Variants in CELF4 observed in about 807,000 individuals in gnomAD.
The protein encoded by CELF4 is CUG-BP- and ETR-3-like factor 4.
In CELF4, 18 loss-of-function variants were observed where a neutral mutation model predicts 59.9. The ratio of observed to expected loss-of-function variants is 0.30; its 90% CI spans 0.21 to 0.45. CELF4 has a LOEUF of 0.45. CELF4 is among the 20% of genes least tolerant of loss of function. The pLI is 1.00. For missense variants in CELF4, 456 were observed against 689.0 expected (o/e 0.66, Z 3.79); for synonymous variants, 261 against 267.1 (o/e 0.98, Z 0.22).
intron 2 of CELF4, among the ~76,000 whole-genome samples, chr18:37,383,654 C>CA (rs1282700553): frequency 1.3e-5 from 2 of 152,164 alleles, no homozygotes; most frequent in Non-Finnish European, 2.9e-5. Context: ...CTTTCTTTTC[C>CA]AAGCACGTCC....
intron 2 of CELF4, among the ~76,000 whole-genome samples, chr18:37,365,481 A>AT (rs10670336): frequency 0.21 from 19,931 of 97,032 alleles, 2,593 homozygotes; most frequent in East Asian, 0.33. Flanking sequence ...GGATGGGGCA[A>AT]TTTTTTTTTT....
At chr18:37,430,328 A>C (rs59289891) in intron 2 of CELF4, among the ~76,000 whole-genome samples, 1 of 152,228 alleles carries the variant, frequency 6.6e-6, no homozygotes, top group Non-Finnish European at 1.5e-5. Flanking sequence ...AAGACTGATT[A>C]AATAGCAACA....
intron 9 of CELF4, 137 bp downstream of exon 9, chr18:37,266,396 G>T: frequency 1.1e-6 from 1 of 927,676 alleles, no homozygotes. Flanking sequence ...GTCTCTGCCA[G>T]CACAGCCCTC....
intron 1 of CELF4, among the ~76,000 whole-genome samples, chr18:37,501,714 G>T (rs1603642812): frequency 6.6e-6 from 1 of 152,230 alleles, no homozygotes; most frequent in Non-Finnish European, 1.5e-5. Context: ...CTCAGTGGAG[G>T]TAGGTAGGAA....
intron 2 of CELF4, among the ~76,000 whole-genome samples, chr18:37,360,630 T>C (rs2098688388): frequency 6.6e-6 from 1 of 152,218 alleles, no homozygotes; most frequent in South Asian, 2.1e-4. Flanking sequence ...AGAGCCTGTC[T>C]GGAGGCAGGC....
rs62081461 is a variant in CELF4 at position 37,551,284 on chromosome 18, C to T, written c.286+14072G>A. 8.5e-3 allele frequency among the ~76,000 whole-genome samples: 1,294 copies of T among 152,288 alleles called. 12 individuals carry two copies. Among genetic ancestry groups the T allele is most frequent in the Non-Finnish European group, 0.012 (837 of 68,012 alleles). On this transcript the variant is annotated intron_variant, in intron 1 of 12. Coordinates refer to ENST00000420428, the MANE Select transcript of CELF4 (RefSeq NM_020180.4). ...TCCATAAGAGAGGAATCTCCCTCCCCTAAAGAGCCAGCCCCAAAGGCCACC... is the reference window on the plus strand; with the variant it reads ...TCCATAAGAGAGGAATCTCCCTCCCTTAAAGAGCCAGCCCCAAAGGCCACC...
intron 1 of CELF4, among the ~76,000 whole-genome samples, chr18:37,525,279 T>A (rs1438348266): frequency 2.0e-5 from 3 of 152,112 alleles, no homozygotes; most frequent in South Asian, 2.1e-4. Flanking sequence ...AAGAGGCCCT[T>A]CTTATTTGGG....
chr18:37,506,211 A>G (rs1371540588), intron 1 of CELF4, among the ~76,000 whole-genome samples: 2 of 152,198 alleles, frequency 1.3e-5, no homozygotes, highest in Non-Finnish European at 2.9e-5. Context: ...CTTGCGTCCC[A>G]TTACCCACCC....
At chr18:37,476,170 A>G (rs551104094) in intron 2 of CELF4, among the ~76,000 whole-genome samples, 1 of 152,218 alleles carries the variant, frequency 6.6e-6, no homozygotes, top group Non-Finnish European at 1.5e-5. Context: ...GATTTTCATG[A>G]TAGAAATTAG....
At chr18:37,510,064 A>G (rs1229633143) in intron 1 of CELF4, among the ~76,000 whole-genome samples, 1 of 152,244 alleles carries the variant, frequency 6.6e-6, no homozygotes, top group East Asian at 1.9e-4. Context: ...AGGATGATGA[A>G]TATGTCTCAG....
At chr18:37,539,772 GA>G (rs964540875) in intron 1 of CELF4, among the ~76,000 whole-genome samples, 2 of 152,058 alleles carry the variant, frequency 1.3e-5, no homozygotes, top group African/African-American at 4.8e-5. Context: ...TAGTAAAACT[GA>G]AAAACGGATT....
At chr18:37,400,679 C>T (rs758011800) in intron 2 of CELF4, among the ~76,000 whole-genome samples, 2 of 152,248 alleles carry the variant, frequency 1.3e-5, no homozygotes, top group African/African-American at 2.4e-5. Context: ...CTCAACCCAG[C>T]CTGCCCACAG....
chr18:37,466,985 G>A (rs746488174), intron 2 of CELF4, among the ~76,000 whole-genome samples: 4 of 152,146 alleles, frequency 2.6e-5, no homozygotes, highest in South Asian at 2.1e-4. Context: ...AGCCAGTGTC[G>A]TCCCAGATCC....
chr18:37,483,361 C>G (rs1351306255), intron 2 of CELF4, among the ~76,000 whole-genome samples: 5 of 152,184 alleles, frequency 3.3e-5, no homozygotes, highest in Non-Finnish European at 7.3e-5. Flanking sequence ...ATTCCTGCCC[C>G]TCCCTCTGGT....
chr18:37,244,687 T>C lies in CELF4; in HGVS notation c.*555A>G, dbSNP rs1460049782. ...AGGGGGTCCTCCATTCCCCCTCTATTTGACATAGAGCTACACATCTGCAAT... is the reference window on the plus strand; with the variant it reads ...AGGGGGTCCTCCATTCCCCCTCTATCTGACATAGAGCTACACATCTGCAAT... On this transcript the variant is annotated 3_prime_UTR_variant, in exon 13 of 13. Transcript: ENST00000420428. 1 of 152,594 alleles carries C rather than the reference T, an allele frequency of 6.6e-6. No homozygotes were observed. The highest frequency in any genetic ancestry group is 1.5e-5 in the Non-Finnish European group (1 of 68,034). 9.5% of individuals were successfully genotyped at this position (152,594 alleles called of 1,614,324 possible).
chr18:37,530,303 T>C (rs980459937), intron 1 of CELF4, among the ~76,000 whole-genome samples: 37 of 152,324 alleles, frequency 2.4e-4, no homozygotes, highest in Non-Finnish European at 5.1e-4. Context: ...AGAGAGAGGC[T>C]AAGGAACTTG....
chr18:37,367,310 C>A (rs1171882812), intron 2 of CELF4, among the ~76,000 whole-genome samples: 1 of 151,800 alleles, frequency 6.6e-6, no homozygotes, highest in African/African-American at 2.4e-5. Flanking sequence ...AAGGATGGAG[C>A]AGCCAGACTG....
chr18:37,485,988 A>G (rs923173020), intron 1 of CELF4: 1 of 161,392 alleles, frequency 6.2e-6, no homozygotes, highest in African/African-American at 2.4e-5. Flanking sequence ...CACCCCCAGC[A>G]CCTCTAGCCA....
At chr18:37,410,743 A>AC (rs36036112) in intron 2 of CELF4, among the ~76,000 whole-genome samples, 1 of 151,920 alleles carries the variant, frequency 6.6e-6, no homozygotes, top group South Asian at 2.1e-4. Flanking sequence ...CAGCCTGCAC[A>AC]CCCCCGTCAC....
Sources: gnomAD v4.1 joint callset for allele counts (sites outside exome capture counted in the v4.1 genomes callset) on GRCh38, gnomAD v4.1.1 for gene constraint, MANE v1.5 for transcripts, NCBI Gene and HGNC (gene_info 2026-07-23, HGNC 2026-07-21) for gene names.